NUTM2G: variants seen among roughly 807,000 people sequenced by gnomAD.
NUTM2G encodes the protein family with sequence similarity 22, member G.
In NUTM2G, 29 loss-of-function variants were observed where a neutral mutation model predicts 44.3. The observed-to-expected ratio is 0.66, with a 90% CI of 0.49 to 0.89. The LOEUF (loss-of-function observed/expected upper bound fraction) is 0.89. Ranked by LOEUF, NUTM2G falls within the 40% of genes least tolerant of loss-of-function variation. The pLI is 0.00. For missense variants in NUTM2G, 502 were observed against 946.5 expected (o/e 0.53, Z 6.16); for synonymous variants, 205 against 395.9 (o/e 0.52, Z 5.72).
At chr9:96,935,861 G>A (rs1210786645) in intron 3 of NUTM2G, among the ~76,000 whole-genome samples, 1 of 152,052 alleles carries the variant, frequency 6.6e-6, no homozygotes, top group Non-Finnish European at 1.5e-5. Context: ...TGGCCAGGGA[G>A]TTGGGTCAGG....
In NUTM2G at chr9:96,936,778, C is replaced by T. The variant is rs563994048; in HGVS notation, c.982+214C>T. Among the ~76,000 whole-genome samples the T allele has an allele frequency of 2.4e-3, 365 of 152,310 alleles. 3 individuals carry two copies. Among genetic ancestry groups the T allele is most frequent in the African/African-American group, 8.3e-3 (344 of 41,572 alleles). On this transcript the variant is annotated intron_variant, in intron 4 of 6. Transcript: ENST00000372322. Reference sequence around the variant, plus strand: ...GCAGGGTATTGACCGGGCCAAGTTTCCTACTTTCTCTCTCCCCTTGCCTGT... The same window carrying T: ...GCAGGGTATTGACCGGGCCAAGTTTTCTACTTTCTCTCTCCCCTTGCCTGT...
chr9:96,937,844 C>T (rs1345818249), intron 5 of NUTM2G, 41 bp from the exon 6 acceptor site: 2 of 1,600,124 alleles, frequency 1.2e-6, no homozygotes, highest in East Asian at 2.2e-5. Flanking sequence ...CCAGGTTACT[C>T]CCTCCCCAGG....
intron 4 of NUTM2G, among the ~76,000 whole-genome samples, 160 bp from the exon 5 acceptor site, chr9:96,936,904 G>C (rs1457796031): frequency 5.9e-5 from 9 of 152,224 alleles, no homozygotes; most frequent in Non-Finnish European, 1.5e-5. Context: ...TGCTGTCTCA[G>C]ATGTGCCCCT....
chr9:96,929,084 C>G (rs777073988), intron 1 of NUTM2G, 44 bp downstream of exon 1: 1 of 1,611,174 alleles, frequency 6.2e-7, no homozygotes, highest in Admixed American at 1.7e-5. Context: ...TGCCTTGCCT[C>G]AACTCCTTGG....
At chr9:96,936,339 C>T in intron 3 of NUTM2G, 86 bp from the exon 4 acceptor site, 1 of 1,535,546 alleles carries the variant, frequency 6.5e-7, no homozygotes, top group Non-Finnish European at 8.7e-7. Context: ...GGCACTCCCT[C>T]CCATCCCTGC....
At chr9:96,936,292 G>A in intron 3 of NUTM2G, 133 bp from the exon 4 acceptor site, 1 of 1,483,664 alleles carries the variant, frequency 6.7e-7, no homozygotes, top group Non-Finnish European at 9.0e-7. Flanking sequence ...TGGGACTGGG[G>A]GATGGGTCCC....
At chr9:96,942,452 G>GC (rs1412988092), downstream of NUTM2G, among the ~76,000 whole-genome samples, 1 of 72,404 alleles carries the variant, frequency 1.4e-5, no homozygotes, top group African/African-American at 6.2e-5. Flanking sequence ...CTCAACAGTG[G>GC]CCCCCACCCT....
intron 1 of NUTM2G, among the ~76,000 whole-genome samples, 191 bp from the exon 2 acceptor site, chr9:96,931,531 T>C (rs1487520175): frequency 6.6e-6 from 1 of 151,396 alleles, no homozygotes; most frequent in South Asian, 2.1e-4. Flanking sequence ...TCTTGGTGAC[T>C]GGCGCCAGGC....
intron 1 of NUTM2G, 139 bp from the exon 2 acceptor site, chr9:96,931,583 G>C: frequency 1.1e-5 from 8 of 720,812 alleles, no homozygotes; most frequent in Non-Finnish European, 1.9e-5. Flanking sequence ...CAGAGCATCT[G>C]ATGCACACTC....
Position 96,937,206 on chromosome 9 carries a change from C to T in NUTM2G, c.1125C>T (p.Ile375=), listed in dbSNP as rs776189451. 8.1e-6 allele frequency: 13 copies of T among 1,612,822 alleles called. No individual in the cohort carries two copies. The highest frequency in any genetic ancestry group is 1.0e-5 in the Non-Finnish European group (12 of 1,179,814). ...CAGAGACCAAGGTCCCTGAGGAGAT[C>T]CCCCCTGAAGTGGTGCAGGAGTATG... ...RPAETKVPEE[I]PPEVVQEYVD... The change falls in exon 5 of 7, where the codon ATC becomes ATT. Residue 375 remains isoleucine (I), a synonymous_variant. Transcript: ENST00000372322.
intron 2 of NUTM2G, among the ~76,000 whole-genome samples, chr9:96,932,739 G>A (rs1336685280): frequency 1.3e-5 from 2 of 149,722 alleles, no homozygotes; most frequent in East Asian, 2.0e-4. Flanking sequence ...CACAACCTCC[G>A]CCTCCTGGGT....
chr9:96,937,297 G>T lies in NUTM2G; in HGVS notation c.1216G>T (p.Glu406Ter). Residue 406 changes from glutamate (E) to a stop codon, truncating the protein, a stop_gained, in exon 5 of 7, where the codon GAA becomes TAA. Coordinates refer to ENST00000372322, the MANE Select transcript of NUTM2G (RefSeq NM_001170741.3). LOFTEE classifies it high-confidence loss of function. ...CACAGGGGAGCCTGAGGGACAACGG[G>T]AAAAGGGCAAAGTGGAGCAGCCGCA... Reference protein sequence around the residue: ...GDTGEPEGQREKGKVEQPQEE... With the variant: ...GDTGEPEGQR 1 of 1,613,868 alleles carries T rather than the reference G, an allele frequency of 6.2e-7. No homozygotes were observed. Among genetic ancestry groups the T allele is most frequent in the Non-Finnish European group, 8.5e-7 (1 of 1,179,860 alleles).
Position 96,935,309 on chromosome 9 carries a change from T to C in NUTM2G, c.714-19T>C, listed in dbSNP as rs759244041. ...GGAGGGTGGGCTTACAGACTGGGAC[T>C]GACTGCACTGGTTTACAGCCCAGTT... On this transcript the variant is annotated intron_variant, in intron 2 of 6. Coordinates refer to ENST00000372322, the MANE Select transcript of NUTM2G (RefSeq NM_001170741.3). 31 of 1,611,792 alleles carry C rather than the reference T, an allele frequency of 1.9e-5. No individual in the cohort carries two copies. The African/African-American group carries it at 3.5e-4, about 18-fold the overall frequency.
At chr9:96,936,374 G>A (rs1301753278) in intron 3 of NUTM2G, 51 bp from the exon 4 acceptor site, 3 of 1,546,316 alleles carry the variant, frequency 1.9e-6, no homozygotes, top group Non-Finnish European at 1.7e-6. Flanking sequence ...TGGTCCTGGG[G>A]GGAGGGGGCC....
rs1260754355 is a variant in NUTM2G, at chr9:96,936,418, C to A, written c.843-7C>A. On this transcript the variant is annotated splice_polypyrimidine_tract_variant and splice_region_variant and intron_variant, in intron 3 of 6. Coordinates refer to ENST00000372322, the MANE Select transcript of NUTM2G (RefSeq NM_001170741.3). ...CTCAGCACAGCCTGGGCCTCCTTCA[C>A]CCCCAGGTTCCTGGAGTTTGAGGCT... The A allele has an allele frequency of 5.7e-6, 9 of 1,575,662 alleles. No individual in the cohort carries two copies. Among genetic ancestry groups the A allele is most frequent in the Admixed American group, 3.5e-5 (2 of 56,666 alleles).
rs577329015 is a variant in NUTM2G at position 96,931,457 on chromosome 9, G to A, written c.17-265G>A. Among the ~76,000 whole-genome samples the A allele has an allele frequency of 5.3e-5, 8 of 151,798 alleles. No individual in the cohort carries two copies. In the East Asian group the frequency reaches 9.8e-4, roughly 19 times the overall value. Reference sequence around the variant, plus strand: ...CTGGTGCAGTCTGCCAGGGACACCCGAGGGAGACCCTCAGAGACAGCAAAG... The same window carrying A: ...CTGGTGCAGTCTGCCAGGGACACCCAAGGGAGACCCTCAGAGACAGCAAAG... On this transcript the variant is annotated intron_variant, in intron 1 of 6. Coordinates refer to ENST00000372322, the MANE Select transcript of NUTM2G (RefSeq NM_001170741.3).
chr9:96,937,293 A>C lies in NUTM2G; in HGVS notation c.1212A>C (p.Gln404His), dbSNP rs1826466631. ...HPGDTGEPEGQREKGKVEQPQ... is the reference protein window; with the variant it reads ...HPGDTGEPEGHREKGKVEQPQ... Reference sequence around the variant, plus strand: ...GGGACACAGGGGAGCCTGAGGGACAACGGGAAAAGGGCAAAGTGGAGCAGC... The same window carrying C: ...GGGACACAGGGGAGCCTGAGGGACACCGGGAAAAGGGCAAAGTGGAGCAGC... Residue 404 changes from glutamine to histidine, a missense_variant, in exon 5 of 7, where the codon CAA becomes CAC. By Grantham distance (24) the Gln-to-His change is conservative. Transcript: ENST00000372322. 4 of 1,613,852 alleles carry C rather than the reference A, an allele frequency of 2.5e-6. No individual in the cohort carries two copies. The highest frequency in any genetic ancestry group is 3.4e-6 in the Non-Finnish European group (4 of 1,179,856).
intron 4 of NUTM2G, 130 bp downstream of exon 4, chr9:96,936,694 C>G (rs2479292): frequency 4.9e-4 from 711 of 1,450,656 alleles, no homozygotes; most frequent in Admixed American, 1.8e-3. Context: ...GCTTCCGGGA[C>G]TGTATGTTGG....
chr9:96,931,901 G>T lies in NUTM2G; in HGVS notation c.196G>T (p.Ala66Ser). The change falls in exon 2 of 7, where the codon GCA becomes TCA. Residue 66 changes from alanine (A) to serine (S), a missense_variant. Coordinates refer to ENST00000372322, the MANE Select transcript of NUTM2G (RefSeq NM_001170741.3). ...TGCCTTCCCCAGCACCCCTCTAGTG[G>T]CAGGACAGGATGGCCGCGGCCCAAG... ...LSAFPSTPLVAGQDGRGPSGA... is the reference protein window; with the variant it reads ...LSAFPSTPLVSGQDGRGPSGA... 6.2e-7 allele frequency: 1 copy of T among 1,612,248 alleles called. No homozygotes were observed. The highest frequency in any genetic ancestry group is 2.2e-5 in the East Asian group (1 of 44,876).
Sources: gnomAD v4.1 joint callset for allele counts (sites outside exome capture counted in the v4.1 genomes callset) on GRCh38, gnomAD v4.1.1 for gene constraint, MANE v1.5 for transcripts, NCBI Gene and HGNC (gene_info 2026-07-23, HGNC 2026-07-21) for gene names.